The following TMEM65 variants were observed in gnomAD, a reference collection of about 807,000 sequenced individuals.
The protein encoded by TMEM65 is transmembrane protein 65.
TMEM65 carries 22 observed loss-of-function variants against 25.4 expected under a neutral mutation model. The ratio of observed to expected loss-of-function variants is 0.86; its 90% CI spans 0.62 to 1.23. TMEM65 has a LOEUF of 1.23. Ranked by LOEUF, TMEM65 falls within the 50% of genes most tolerant of loss-of-function variation. The pLI, the probability that TMEM65 is intolerant of heterozygous loss-of-function variation, is 0.00. For synonymous variants in TMEM65, 132 were observed against 126.2 expected (o/e 1.05, Z -0.31); for missense variants, 262 against 308.2 (o/e 0.85, Z 1.12).
intron 1 of TMEM65, among the ~76,000 whole-genome samples, chr8:124,349,343 T>TA (rs61546757): frequency 0.015 from 2,297 of 151,660 alleles, 33 homozygotes; most frequent in Non-Finnish European, 0.022. Context: ...ACATTTTTTT[T>TA]AAAAAAAAAT....
intron 1 of TMEM65, 62 bp from the exon 2 acceptor site, chr8:124,330,854 A>G (rs2131204182): frequency 7.1e-7 from 1 of 1,415,786 alleles, no homozygotes; most frequent in East Asian, 2.5e-5. Context: ...ATTTTTTATT[A>G]CAATGAAGAA....
chr8:124,365,578 T>C (rs1302331563), intron 1 of TMEM65, among the ~76,000 whole-genome samples: 5 of 152,030 alleles, frequency 3.3e-5, no homozygotes, highest in Admixed American at 6.5e-5. Context: ...TGTTACATTA[T>C]ATGGCAAAAA....
At chr8:124,349,889 G>A (rs1297093864) in intron 1 of TMEM65, among the ~76,000 whole-genome samples, 1 of 151,916 alleles carries the variant, frequency 6.6e-6, no homozygotes, top group East Asian at 1.9e-4. Flanking sequence ...ATTCTTAATA[G>A]AATAAAATTT....
chr8:124,327,863 C>A (rs569390061), intron 2 of TMEM65, among the ~76,000 whole-genome samples: 8 of 152,158 alleles, frequency 5.3e-5, no homozygotes, highest in African/African-American at 1.7e-4. Flanking sequence ...TGTCCTAAAT[C>A]AAATGTCAGA....
At chr8:124,359,205 G>A (rs1450517584) in intron 1 of TMEM65, among the ~76,000 whole-genome samples, 1 of 152,164 alleles carries the variant, frequency 6.6e-6, no homozygotes, top group African/African-American at 2.4e-5. Context: ...TGATCAAGGT[G>A]ATCCAAGAGC....
chr8:124,334,898 A>G (rs1814486818), intron 1 of TMEM65, among the ~76,000 whole-genome samples: 1 of 151,986 alleles, frequency 6.6e-6, no homozygotes, highest in Admixed American at 6.6e-5. Flanking sequence ...CAGTCTGAAC[A>G]ACAGAGACTG....
chr8:124,330,641 C>A, intron 2 of TMEM65, 107 bp downstream of exon 2: 1 of 1,119,600 alleles, frequency 8.9e-7, no homozygotes, highest in Admixed American at 2.6e-5. Flanking sequence ...TCCACTCTAT[C>A]TGGAAAGATT....
chr8:124,339,126 T>C lies in TMEM65; in HGVS notation c.305-8334A>G, dbSNP rs549867667. Among the ~76,000 whole-genome samples, 3 of 138,396 alleles carry C rather than the reference T, an allele frequency of 2.2e-5. No individual in the cohort carries two copies. The East Asian group carries it at 6.9e-4, about 32-fold the overall frequency. 90.8% of individuals were successfully genotyped at this position (138,396 alleles called of 152,430 possible). ...ATCACTTGAACCTCAGAGGCAGAGC[T>C]TGCGGCAGTGAGCCCAGATCGCACC... On this transcript the variant is annotated intron_variant, in intron 1 of 6. Coordinates refer to ENST00000297632, the MANE Select transcript of TMEM65 (RefSeq NM_194291.3).
At chr8:124,347,487 G>A (rs143769328) in intron 1 of TMEM65, among the ~76,000 whole-genome samples, 16 of 152,206 alleles carry the variant, frequency 1.1e-4, no homozygotes, top group Middle Eastern at 3.4e-3. Flanking sequence ...TGGGCACAAC[G>A]TACACTATTC....
intron 4 of TMEM65, among the ~76,000 whole-genome samples, chr8:124,322,731 C>T (rs766869311): frequency 6.6e-6 from 1 of 152,018 alleles, no homozygotes; most frequent in African/African-American, 2.4e-5. Context: ...GGCGTGGTGG[C>T]TCACATCTGT....
intron 6 of TMEM65, among the ~76,000 whole-genome samples, chr8:124,315,981 T>C (rs1259777608): frequency 6.6e-6 from 1 of 152,194 alleles, no homozygotes; most frequent in East Asian, 1.9e-4. Context: ...AAATAACCAT[T>C]GCCAATAGGC....
Position 124,312,591 on chromosome 8 carries a change from G to A in TMEM65, c.*1369C>T, listed in dbSNP as rs1378772168. On this transcript the variant is annotated 3_prime_UTR_variant, in exon 7 of 7. Transcript: ENST00000297632. ...CCTCCATGATGTGTTTAATTACGCTGTTACAAGTAAGACTAATTTTTTAGC... is the reference window on the plus strand; with the variant it reads ...CCTCCATGATGTGTTTAATTACGCTATTACAAGTAAGACTAATTTTTTAGC... 6.6e-6 allele frequency: 1 copy of A among 151,888 alleles called. No homozygotes were observed. Among genetic ancestry groups the A allele is most frequent in the African/African-American group, 2.4e-5 (1 of 41,400 alleles). The allele number at this position is 151,888 out of a possible 1,614,324, so 9.4% of individuals were successfully genotyped here. A position where few individuals can be genotyped will look rare whatever the true frequency, so the allele number is the denominator to read the frequency against.
intron 1 of TMEM65, among the ~76,000 whole-genome samples, chr8:124,337,407 T>C (rs1204600401): frequency 6.6e-6 from 1 of 151,990 alleles, no homozygotes; most frequent in East Asian, 1.9e-4. Context: ...TATTCTGCTT[T>C]CCGAAGTATA....
chr8:124,346,557 T>TTAA (rs1814642829), intron 1 of TMEM65, among the ~76,000 whole-genome samples: 1 of 152,048 alleles, frequency 6.6e-6, no homozygotes, highest in East Asian at 1.9e-4. Context: ...TATAATAAAC[T>TTAA]TAATAAGAAA....
chr8:124,321,370 A>G (rs1284043660), intron 5 of TMEM65, among the ~76,000 whole-genome samples: 3 of 152,314 alleles, frequency 2.0e-5, no homozygotes, highest in Non-Finnish European at 4.4e-5. Context: ...AGCAAGACAG[A>G]GCATATTTAT....
chr8:124,335,822 A>C (rs942827796), intron 1 of TMEM65, among the ~76,000 whole-genome samples: 1 of 152,056 alleles, frequency 6.6e-6, no homozygotes, highest in Non-Finnish European at 1.5e-5. Context: ...GGAAAACAGA[A>C]ACAAAAAACA....
rs565402731 is a variant in TMEM65 at position 124,312,393 on chromosome 8, C to A, written c.*1567G>T. ...AGGATGGCACTTATGCATTCTGAAG[C>A]GCATGAGAGAATTTATGACAAACTG... is the stretch of plus-strand genomic sequence containing the variant. On this transcript the variant is annotated 3_prime_UTR_variant, in exon 7 of 7. Transcript: ENST00000297632. 6.6e-6 allele frequency: 1 copy of A among 151,926 alleles called. No homozygotes were observed. The highest frequency in any genetic ancestry group is 2.1e-4 in the South Asian group (1 of 4,814). 9.4% of individuals were successfully genotyped at this position (151,926 alleles called of 1,614,324 possible).
chr8:124,329,059 T>C (rs1814400987), intron 2 of TMEM65, among the ~76,000 whole-genome samples: 1 of 151,976 alleles, frequency 6.6e-6, no homozygotes, highest in African/African-American at 2.4e-5. Context: ...AGGTATAAAA[T>C]AGGTCATTTA....
chr8:124,356,350 T>C (rs1187231564), intron 1 of TMEM65, among the ~76,000 whole-genome samples: 4 of 152,204 alleles, frequency 2.6e-5, no homozygotes, highest in African/African-American at 9.7e-5. Context: ...ATCTGCCTTC[T>C]GTCAGTGAAT....
Sources: gnomAD v4.1 joint callset for allele counts (sites outside exome capture counted in the v4.1 genomes callset) on GRCh38, gnomAD v4.1.1 for gene constraint, MANE v1.5 for transcripts, NCBI Gene and HGNC (gene_info 2026-07-23, HGNC 2026-07-21) for gene names.